MMP20: variants seen among roughly 807,000 people sequenced by gnomAD.
MMP20 encodes the protein matrix metalloproteinase-20.
MMP20 carries 50 observed loss-of-function variants against 51.8 expected under a neutral mutation model. The observed-to-expected ratio is 0.97, with a 90% CI of 0.77 to 1.22. The LOEUF is 1.22. Ranked by LOEUF, MMP20 falls within the 50% of genes most tolerant of loss-of-function variation. The pLI is 0.00. For synonymous variants in MMP20, 244 were observed against 216.2 expected (o/e 1.13, Z -1.13); for missense variants, 663 against 601.4 (o/e 1.10, Z -1.07).
At chr11:102,620,266 A>T (rs1365438065) in intron 1 of MMP20, among the ~76,000 whole-genome samples, 1 of 152,200 alleles carries the variant, frequency 6.6e-6, no homozygotes, top group Non-Finnish European at 1.5e-5. Context: ...AGATATCCTG[A>T]AGTACTGAGA....
At chr11:102,591,213 G>T (rs1354846784) in intron 8 of MMP20, among the ~76,000 whole-genome samples, 1 of 152,174 alleles carries the variant, frequency 6.6e-6, no homozygotes. Flanking sequence ...ATAGGTGAGG[G>T]TTGTCTTACT....
Position 102,625,206 on chromosome 11 carries a change from G to A in MMP20, c.114C>T (p.Tyr38=). The part of the protein sequence containing the change: ...AASPRTWRNN[Y]RLAQAYLDKY... Reference sequence around the variant, plus strand: ...AAAATTCACAAACCTGTGCGAGGCGGTAGTTGTTCCTCCAGGTCCTGGGGG... The same window carrying A: ...AAAATTCACAAACCTGTGCGAGGCGATAGTTGTTCCTCCAGGTCCTGGGGG... Residue 38 remains tyrosine, a synonymous_variant, in exon 1 of 10, where the codon TAC becomes TAT. Transcript: ENST00000260228. 1.2e-6 allele frequency: 2 copies of A among 1,613,930 alleles called. No homozygotes were observed. The highest frequency in any genetic ancestry group is 1.7e-6 in the Non-Finnish European group (2 of 1,179,936).
intron 6 of MMP20, among the ~76,000 whole-genome samples, chr11:102,603,563 A>T (rs1591616621): frequency 6.6e-6 from 1 of 152,228 alleles, no homozygotes; most frequent in African/African-American, 2.4e-5. Flanking sequence ...GGGAATTGTA[A>T]GGATGTGATA....
chr11:102,609,996 C>T lies in MMP20; in HGVS notation c.558G>A (p.Arg186=), dbSNP rs1453000613. 1 of 1,613,952 alleles carries T rather than the reference C, an allele frequency of 6.2e-7. No homozygotes were observed. The highest frequency in any genetic ancestry group is 8.5e-7 in the Non-Finnish European group (1 of 1,180,004). Residue 186 remains arginine, a synonymous_variant, in exon 4 of 10, where the codon CGG becomes CGA. Coordinates refer to ENST00000260228, the MANE Select transcript of MMP20 (RefSeq NM_004771.4). ...HGDSYPFDGP[R]GTLAHAFAPG... is the part of the protein sequence containing the mutation. ...GAGCAAATGCATGGGCTAGAGTCCC[C>T]CGAGGCCCATCGAATGGATAGGAAT...
chr11:102,606,175 C>A (rs928400828), intron 6 of MMP20, among the ~76,000 whole-genome samples: 1 of 152,222 alleles, frequency 6.6e-6, no homozygotes, highest in Non-Finnish European at 1.5e-5. Context: ...TCAATTCAGG[C>A]TGGTGTCCTA....
chr11:102,592,628 G>C (rs5024119), intron 8 of MMP20, among the ~76,000 whole-genome samples: 14,685 of 152,222 alleles, frequency 0.096, 894 homozygotes, highest in East Asian at 0.29. Context: ...TTTTCTTCAA[G>C]ACCCTTTCAT....
In MMP20 at chr11:102,576,856, A is replaced by G; in HGVS notation, c.*470T>C. 5.8e-6 allele frequency: 1 copy of G among 171,880 alleles called. No individual in the cohort carries two copies. Among genetic ancestry groups the G allele is most frequent in the Non-Finnish European group, 1.3e-5 (1 of 79,354 alleles). The allele number at this position is 171,880 out of a possible 1,614,324, so 10.6% of individuals were successfully genotyped here. ...ATTTTGTTGTGATGTCTTTTAAGTA[A>G]AAATTGGGAAATTTATATTTATTAT... On this transcript the variant is annotated 3_prime_UTR_variant, in exon 10 of 10. Transcript: ENST00000260228.
intron 2 of MMP20, 130 bp downstream of exon 2, chr11:102,616,682 A>C: frequency 8.2e-7 from 1 of 1,225,208 alleles, no homozygotes; most frequent in Non-Finnish European, 1.2e-6. Context: ...GGATGTAAAA[A>C]GTTCTTATTC....
At chr11:102,622,383 A>G (rs1859762242) in intron 1 of MMP20, among the ~76,000 whole-genome samples, 1 of 151,982 alleles carries the variant, frequency 6.6e-6, no homozygotes, top group South Asian at 2.1e-4. Context: ...CTCCTCTGGG[A>G]CCCTCTTTCC....
At chr11:102,594,275 A>G (rs957436585) in intron 7 of MMP20, among the ~76,000 whole-genome samples, 2 of 152,180 alleles carry the variant, frequency 1.3e-5, no homozygotes, top group Admixed American at 1.3e-4. Flanking sequence ...ACTGAGTTCC[A>G]CACTGGCTTT....
chr11:102,602,389 A>T (rs919063693), intron 6 of MMP20, among the ~76,000 whole-genome samples: 9 of 152,134 alleles, frequency 5.9e-5, no homozygotes, highest in African/African-American at 2.2e-4. Context: ...GAAGAAACAT[A>T]TTAGACATCC....
intron 8 of MMP20, chr11:102,583,493 T>C (rs184181334): frequency 6.6e-6 from 1 of 152,296 alleles, no homozygotes; most frequent in Admixed American, 6.5e-5. Flanking sequence ...CAGTATTCAG[T>C]ACAGTATCAT....
At chr11:102,613,129 T>C (rs531693744) in intron 2 of MMP20, among the ~76,000 whole-genome samples, 1 of 152,366 alleles carries the variant, frequency 6.6e-6, no homozygotes, top group East Asian at 1.9e-4. Flanking sequence ...CAATTACTGG[T>C]GTGACGATGA....
chr11:102,619,933 T>C (rs75821515), intron 1 of MMP20, among the ~76,000 whole-genome samples: 3,510 of 152,290 alleles, frequency 0.023, 49 homozygotes, highest in Non-Finnish European at 0.029. Context: ...AAAATAAAAT[T>C]AGAAACTATT....
intron 6 of MMP20, among the ~76,000 whole-genome samples, chr11:102,606,141 G>A (rs760901990): frequency 1.3e-5 from 2 of 152,220 alleles, no homozygotes; most frequent in African/African-American, 2.4e-5. Context: ...TAGGGATAAA[G>A]TGGTAAACAA....
intron 1 of MMP20, among the ~76,000 whole-genome samples, chr11:102,622,572 T>C (rs1859764523): frequency 2.0e-5 from 3 of 151,950 alleles, no homozygotes; most frequent in Admixed American, 2.0e-4. Flanking sequence ...TTAAAAATAC[T>C]CCCTCACCAG....
rs781178683 is a variant in MMP20 at position 102,593,560 on chromosome 11, G to A, written c.1126C>T (p.Gln376Ter). ...TCATAAATAGTCCGAGGAGGACCTT[G>A]CATTTGGAATCCTCTTGTTATCCAG... The part of the protein sequence containing the change: ...HYWITRGFQM[Q>*]GPPRTIYDFG... The change falls in exon 8 of 10, where the codon CAA (glutamine) becomes TAA (stop). Residue 376 changes from glutamine (Q) to a stop codon, truncating the protein, a stop_gained. Coordinates refer to ENST00000260228, the MANE Select transcript of MMP20 (RefSeq NM_004771.4). LOFTEE classifies it high-confidence loss of function. 1 of 1,614,000 alleles carries A rather than the reference G, an allele frequency of 6.2e-7. No homozygotes were observed. The highest frequency in any genetic ancestry group is 8.5e-7 in the Non-Finnish European group (1 of 1,179,984).
At chr11:102,583,597 A>G (rs1246126869) in intron 8 of MMP20, 1 of 152,162 alleles carries the variant, frequency 6.6e-6, no homozygotes, top group Non-Finnish European at 1.5e-5. Flanking sequence ...GTGTAAGTAC[A>G]CTCTAGGATG....
intron 2 of MMP20, among the ~76,000 whole-genome samples, chr11:102,614,214 G>T (rs7122793): frequency 0.13 from 19,481 of 152,102 alleles, 1,381 homozygotes; most frequent in East Asian, 0.34. Context: ...CAAAGCTTAT[G>T]CATATAAGCA....
Sources: allele counts gnomAD v4.1 joint callset (sites outside exome capture counted in the v4.1 genomes callset), GRCh38; gene constraint gnomAD v4.1.1; transcripts MANE v1.5; gene names NCBI Gene and HGNC (gene_info 2026-07-23, HGNC 2026-07-21).